CSMD2: variants seen among roughly 807,000 people sequenced by gnomAD.
CSMD2 encodes the protein CUB and Sushi multiple domains 2.
Under a neutral mutation model 398.5 loss-of-function variants are expected in CSMD2, and 130 were observed. That is an observed-to-expected ratio of 0.33 (90% confidence interval 0.28 to 0.38). The LOEUF is 0.38. Among genes scored for constraint, CSMD2 ranks in the 10% least tolerant of loss-of-function variants. CSMD2 has a pLI of 1.00. For missense variants in CSMD2, 3,829 were observed against 4,764.9 expected, an observed-to-expected ratio of 0.80 and a Z score of 5.78; for synonymous variants, 1,828 against 1,908.5, an observed-to-expected ratio of 0.96 and a Z score of 1.10.
At chr1:33,828,122 G>C (rs2125023055) in intron 6 of CSMD2, among the ~76,000 whole-genome samples, 1 of 152,322 alleles carries the variant, frequency 6.6e-6, no homozygotes, top group South Asian at 2.1e-4. Flanking sequence ...TTACCACGGA[G>C]TCATAGCCTC....
At position 33,624,396 on chromosome 1, in the gene CSMD2, G is replaced by T; in HGVS notation, c.5625+123C>A. 7.8e-7 allele frequency: 1 copy of T among 1,276,202 alleles called. No individual in the cohort carries two copies. The highest frequency in any genetic ancestry group is 1.1e-6 in the Non-Finnish European group (1 of 916,676). The allele number at this position is 1,276,202 out of a possible 1,614,324, so 79.1% of individuals were successfully genotyped here. A position where few individuals can be genotyped will look rare whatever the true frequency, so the allele number is the denominator to read the frequency against. ...GCAGGGGCAGGTACAGGGCTGATAT[G>T]TCTCTTCCTGGCTCACCCTGACTCA... On this transcript the variant is annotated intron_variant, in intron 35 of 70. Coordinates refer to ENST00000373381, the MANE Select transcript of CSMD2 (RefSeq NM_001281956.2). This position sits in a 1 kb window ranked among gnomAD's most constrained non-coding sequence, Gnocchi z 4.7.
chr1:34,050,873 C>T (rs1463427453), intron 2 of CSMD2, among the ~76,000 whole-genome samples: 5 of 151,402 alleles, frequency 3.3e-5, no homozygotes, highest in Non-Finnish European at 5.9e-5. Context: ...TATGCTAGCC[C>T]AGAGGCTAGC....
chr1:33,601,383 G>A (rs1188005121), intron 43 of CSMD2, among the ~76,000 whole-genome samples: 2 of 152,090 alleles, frequency 1.3e-5, no homozygotes, highest in African/African-American at 4.8e-5. Flanking sequence ...ATGCATATCG[G>A]CTCCATGCTC....
intron 6 of CSMD2, chr1:33,838,388 G>C (rs931205559): frequency 5.9e-5 from 9 of 152,138 alleles, no homozygotes; most frequent in African/African-American, 2.2e-4. Context: ...AAGTTGCAGG[G>C]GGTGATCTTT....
At chr1:33,539,117 G>A (rs546984214) in intron 60 of CSMD2, among the ~76,000 whole-genome samples, 8 of 152,160 alleles carry the variant, frequency 5.3e-5, no homozygotes, top group African/African-American at 1.4e-4. Flanking sequence ...ACAGGCGCCC[G>A]CCACCACGCC....
At chr1:33,941,578 A>G (rs1435650139) in intron 3 of CSMD2, among the ~76,000 whole-genome samples, 3 of 152,170 alleles carry the variant, frequency 2.0e-5, no homozygotes, top group Non-Finnish European at 4.4e-5. Flanking sequence ...GGGCAGGATC[A>G]GGGAGGGAAG....
chr1:33,592,497 G>A (rs1296728227), intron 44 of CSMD2: 11 of 717,082 alleles, frequency 1.5e-5, no homozygotes, highest in Non-Finnish European at 2.9e-5. Context: ...GCCCTGAGGA[G>A]CAGTTAAAGA....
chr1:33,752,029 CAGA>C (rs1182307479), intron 13 of CSMD2, among the ~76,000 whole-genome samples: 1 of 152,002 alleles, frequency 6.6e-6, no homozygotes, highest in African/African-American at 2.4e-5. Flanking sequence ...GAAGAGTTAG[CAGA>C]AGGAGGAAGA....
chr1:33,793,431 G>A (rs960059055), intron 10 of CSMD2, among the ~76,000 whole-genome samples: 1 of 152,194 alleles, frequency 6.6e-6, no homozygotes, highest in Non-Finnish European at 1.5e-5. Flanking sequence ...GTTGCTAGCA[G>A]ATCTACAAAC....
intron 3 of CSMD2, among the ~76,000 whole-genome samples, chr1:33,971,252 A>G (rs995902392): frequency 1.3e-5 from 2 of 152,154 alleles, no homozygotes; most frequent in Admixed American, 6.5e-5. Flanking sequence ...TTGAGGCCCC[A>G]CCTGGGCCAC....
At chr1:33,869,965 T>C (rs1640338084) in intron 5 of CSMD2, among the ~76,000 whole-genome samples, 1 of 152,172 alleles carries the variant, frequency 6.6e-6, no homozygotes, top group African/African-American at 2.4e-5. Flanking sequence ...TCCCTCAAAT[T>C]CCAACAGAGA....
intron 2 of CSMD2, among the ~76,000 whole-genome samples, chr1:34,069,301 G>A (rs760862753): frequency 1.3e-5 from 2 of 152,180 alleles, no homozygotes; most frequent in African/African-American, 2.4e-5. Context: ...TGTCTGCAGT[G>A]GTGAACAAGA....
intron 12 of CSMD2, among the ~76,000 whole-genome samples, chr1:33,783,306 G>T (rs528138503): frequency 6.6e-6 from 1 of 152,158 alleles, no homozygotes; most frequent in Admixed American, 6.5e-5. Flanking sequence ...TTAGCCCCCA[G>T]TGTGACTGTA....
intron 41 of CSMD2, among the ~76,000 whole-genome samples, chr1:33,610,036 T>A (rs1406421692): frequency 1.3e-5 from 2 of 152,182 alleles, no homozygotes; most frequent in Non-Finnish European, 2.9e-5. Context: ...AGTGAGAAGA[T>A]ACTGTCTATG....
intron 44 of CSMD2, chr1:33,600,573 C>T: frequency 5.6e-6 from 3 of 533,436 alleles, no homozygotes; most frequent in Non-Finnish European, 1.0e-5. Context: ...AGGGATGATC[C>T]AGCCAGTGAG....
At chr1:33,553,711 A>T (rs1657680687) in intron 55 of CSMD2, among the ~76,000 whole-genome samples, 1 of 152,228 alleles carries the variant, frequency 6.6e-6, no homozygotes, top group African/African-American at 2.4e-5. Context: ...AAGTTCCTGC[A>T]GGAAATTAGA....
At chr1:34,029,390 G>A (rs1050811600) in intron 3 of CSMD2, among the ~76,000 whole-genome samples, 1 of 152,176 alleles carries the variant, frequency 6.6e-6, no homozygotes, top group Non-Finnish European at 1.5e-5. Context: ...TCAGGTACAG[G>A]TTCAACCCGA....
chr1:33,633,773 T>A lies in CSMD2; in HGVS notation c.5087-238A>T, dbSNP rs111849810. Among the ~76,000 whole-genome samples, 506 of 152,212 alleles carry A rather than the reference T, an allele frequency of 3.3e-3. 4 individuals carry two copies. Among genetic ancestry groups the A allele is most frequent in the African/African-American group, 0.012 (486 of 41,528 alleles). ...GGCCTTCACAAGGGTCAAGACAACA[T>A]GGAGGGCTGCACCCAAAGGTCAGGC... On this transcript the variant is annotated intron_variant, in intron 31 of 70. Transcript: ENST00000373381. The surrounding 1 kb of genome is among the most constrained non-coding windows in gnomAD (Gnocchi z 5.0).
chr1:33,542,785 G>A lies in CSMD2; in HGVS notation c.9212C>T (p.Thr3071Ile). 1 of 1,614,174 alleles carries A rather than the reference G, an allele frequency of 6.2e-7. No homozygotes were observed. The highest frequency in any genetic ancestry group is 8.5e-7 in the Non-Finnish European group (1 of 1,180,026). The part of the protein sequence containing the change: ...VYECREGYYA[T>I]GLLSRHCSVN... Reference sequence around the variant, plus strand: ...CGAGCAGTGACGGCTGAGCAGGCCTGTGGCGTAGTATCCTTCCCGGCACTC... The same window carrying A: ...CGAGCAGTGACGGCTGAGCAGGCCTATGGCGTAGTATCCTTCCCGGCACTC... Residue 3071 changes from threonine (T) to isoleucine (I), a missense_variant, in exon 58 of 71, where the codon ACA becomes ATA. Physicochemically the swap from Thr to Ile is moderately conservative, Grantham distance 89 (BLOSUM62 -1). Transcript: ENST00000373381.
Sources: allele counts gnomAD v4.1 joint callset (sites outside exome capture counted in the v4.1 genomes callset), GRCh38; gene constraint gnomAD v4.1.1; non-coding constraint Gnocchi (gnomAD v3.1); transcripts MANE v1.5; gene names NCBI Gene and HGNC (gene_info 2026-07-23, HGNC 2026-07-21).